Variants in LAMC1 observed in about 807,000 individuals in gnomAD.
The protein encoded by LAMC1 is laminin subunit gamma 1, also known as laminin subunit gamma-1.
In LAMC1, 38 loss-of-function variants were observed where a neutral mutation model predicts 173.6. The ratio of observed to expected loss-of-function variants is 0.22; its 90% CI spans 0.17 to 0.29. The LOEUF (loss-of-function observed/expected upper bound fraction) is 0.29. LAMC1 is among the 10% of genes least tolerant of loss of function. LAMC1 has a pLI of 1.00. For synonymous variants in LAMC1, 746 were observed against 749.1 expected, an observed-to-expected ratio of 1.00 and a Z score of 0.07; for missense variants, 1,824 against 2,051.8, an observed-to-expected ratio of 0.89 and a Z score of 2.14.
intron 24 of LAMC1, 136 bp downstream of exon 24, chr1:183,135,292 A>G (rs1295180717): frequency 1.6e-5 from 10 of 633,516 alleles, no homozygotes; most frequent in Non-Finnish European, 2.5e-5. Context: ...TTCAAAGGGA[A>G]ATCCCAGAGC....
intron 1 of LAMC1, among the ~76,000 whole-genome samples, chr1:183,034,418 G>A (rs552672418): frequency 7.4e-4 from 113 of 152,254 alleles, no homozygotes; most frequent in African/African-American, 2.7e-3. Flanking sequence ...CTCTACAGGT[G>A]CATGACACCA....
chr1:183,091,781 A>G (rs1284219374), intron 1 of LAMC1, among the ~76,000 whole-genome samples: 2 of 152,148 alleles, frequency 1.3e-5, no homozygotes, highest in African/African-American at 4.8e-5. Flanking sequence ...CTTTGCTTTC[A>G]GATGTGTCCC....
chr1:183,096,929 G>T (rs1409669780), intron 1 of LAMC1, among the ~76,000 whole-genome samples: 1 of 152,170 alleles, frequency 6.6e-6, no homozygotes, highest in East Asian at 1.9e-4. Flanking sequence ...TCAGCATCTG[G>T]AGTGACTGCA....
chr1:183,031,220 T>C (rs1653840640), intron 1 of LAMC1, among the ~76,000 whole-genome samples: 1 of 152,230 alleles, frequency 6.6e-6, no homozygotes, highest in African/African-American at 2.4e-5. Context: ...TATAGCCCAG[T>C]GTATTCCACA....
intron 1 of LAMC1, among the ~76,000 whole-genome samples, chr1:183,034,492 C>T (rs1426735772): frequency 9.9e-5 from 15 of 152,126 alleles, no homozygotes; most frequent in Admixed American, 2.0e-4. Flanking sequence ...AGGCTTGTCT[C>T]GAACTCCTGA....
chr1:183,117,352 G>A lies in LAMC1; in HGVS notation c.1597G>A (p.Gly533Ser). ...EDGWRAEQRDGSEASLEWSSE... is the reference protein window; with the variant it reads ...EDGWRAEQRDSSEASLEWSSE... ...TGGGTGGCGTGCGGAACAGAGAGAT[G>A]GCTCTGAAGCATCTCTCGAGTGGTC... Residue 533 changes from glycine (G) to serine (S), a missense_variant, in exon 9 of 28, where the codon GGC becomes AGC. By Grantham distance (56) the Gly-to-Ser change is moderately conservative. Coordinates refer to ENST00000258341, the MANE Select transcript of LAMC1 (RefSeq NM_002293.4). The A allele has an allele frequency of 6.2e-7, 1 of 1,611,806 alleles. No individual in the cohort carries two copies. Among genetic ancestry groups the A allele is most frequent in the Non-Finnish European group, 8.5e-7 (1 of 1,178,064 alleles).
intron 2 of LAMC1, among the ~76,000 whole-genome samples, chr1:183,105,657 A>G (rs1330424762): frequency 1.3e-5 from 2 of 152,154 alleles, no homozygotes; most frequent in African/African-American, 4.8e-5. Context: ...TGCTGTGGGC[A>G]TCTGCATAGA....
intron 1 of LAMC1, among the ~76,000 whole-genome samples, chr1:183,079,231 GGTTTTTTTTTTTTTTTT>G (rs1655199506): frequency 5.2e-5 from 5 of 95,676 alleles, no homozygotes; most frequent in Admixed American, 4.0e-4. Context: ...TCTCTAATCT[GGTTTTTTTTTTTTTTTT>G]TTTTTTTTTT....
chr1:183,088,736 T>C (rs934209549), intron 1 of LAMC1, among the ~76,000 whole-genome samples: 2 of 152,136 alleles, frequency 1.3e-5, no homozygotes, highest in Admixed American at 1.3e-4. Flanking sequence ...AAGTTGAAAG[T>C]GGCATGGATG....
In LAMC1 at chr1:183,132,316, T is replaced by G. The variant is rs12066735; in HGVS notation, c.3567-84T>G. On this transcript the variant is annotated intron_variant, in intron 20 of 27. Transcript: ENST00000258341. Reference sequence around the variant, plus strand: ...CAAATAATAATAATAATAATAATAATAATAAAGTAAGCATTACCTGAATTT... The same window carrying G: ...CAAATAATAATAATAATAATAATAAGAATAAAGTAAGCATTACCTGAATTT... The G allele has an allele frequency of 0.47, 393,426 of 841,922 alleles. 98,882 individuals carry two copies. The highest frequency in any genetic ancestry group is 0.51 in the Middle Eastern group (1,713 of 3,330). The allele number at this position is 841,922 out of a possible 1,614,324, so 52.2% of individuals were successfully genotyped here.
intron 1 of LAMC1, among the ~76,000 whole-genome samples, chr1:183,075,241 C>T (rs770669322): frequency 1.3e-5 from 2 of 151,720 alleles, no homozygotes; most frequent in Non-Finnish European, 2.9e-5. Flanking sequence ...ATTCTCCCAC[C>T]TCAACCCCAA....
At chr1:183,071,384 T>C (rs1042931976) in intron 1 of LAMC1, among the ~76,000 whole-genome samples, 9 of 152,076 alleles carry the variant, frequency 5.9e-5, no homozygotes, top group Non-Finnish European at 1.0e-4. Context: ...ATAGCAAGCA[T>C]AGTACTGTCT....
chr1:183,142,454 G>T, intron 27 of LAMC1, 80 bp from the exon 28 acceptor site: 1 of 1,423,248 alleles, frequency 7.0e-7, no homozygotes. Flanking sequence ...GCTGGGCCTA[G>T]AGTCTAGTGC....
intron 18 of LAMC1, among the ~76,000 whole-genome samples, chr1:183,129,282 G>A (rs10737244): frequency 0.52 from 78,607 of 151,538 alleles, 21,069 homozygotes; most frequent in South Asian, 0.65. Context: ...TAGAGATGGC[G>A]GTTCACCGTG....
At chr1:183,036,787 G>GT (rs1221838317) in intron 1 of LAMC1, among the ~76,000 whole-genome samples, 5 of 149,264 alleles carry the variant, frequency 3.3e-5, no homozygotes, top group Admixed American at 2.7e-4. Flanking sequence ...GTTTTGTTTT[G>GT]TTTTTTAGAT....
chr1:183,086,910 A>G (rs559563367), intron 1 of LAMC1, among the ~76,000 whole-genome samples: 1 of 152,350 alleles, frequency 6.6e-6, no homozygotes, highest in South Asian at 2.1e-4. Flanking sequence ...GAAAAGATCT[A>G]GTAATAGAGA....
At chr1:183,070,685 A>G (rs1654988405) in intron 1 of LAMC1, among the ~76,000 whole-genome samples, 1 of 152,102 alleles carries the variant, frequency 6.6e-6, no homozygotes, top group African/African-American at 2.4e-5. Context: ...AATAAACTTT[A>G]ATTTAGGGAT....
At chr1:183,137,266 C>T (rs1256861329) in intron 25 of LAMC1, among the ~76,000 whole-genome samples, 1 of 152,058 alleles carries the variant, frequency 6.6e-6, no homozygotes, top group African/African-American at 2.4e-5. Flanking sequence ...GATGAACTGC[C>T]AAGAATGAAC....
At chr1:183,098,056 C>T (rs1366584009) in intron 1 of LAMC1, among the ~76,000 whole-genome samples, 1 of 152,120 alleles carries the variant, frequency 6.6e-6, no homozygotes, top group Non-Finnish European at 1.5e-5. Context: ...GGCTACTTTA[C>T]CTTAAAGCCA....
Sources: gnomAD v4.1 joint callset for allele counts (sites outside exome capture counted in the v4.1 genomes callset) on GRCh38, gnomAD v4.1.1 for gene constraint, MANE v1.5 for transcripts, NCBI Gene and HGNC (gene_info 2026-07-23, HGNC 2026-07-21) for gene names.